The following PRKCB variants were observed in gnomAD, a reference collection of about 807,000 sequenced individuals.
The protein encoded by PRKCB is protein kinase C beta, also known as protein kinase C beta type.
Under a neutral mutation model 81.5 loss-of-function variants are expected in PRKCB, and 13 were observed. That is an observed-to-expected ratio of 0.16 (90% confidence interval 0.10 to 0.25). The LOEUF is 0.25. PRKCB is among the 10% of genes least tolerant of loss of function. The pLI is 1.00. For missense variants in PRKCB, 509 were observed against 875.7 expected (o/e 0.58, Z 5.29); for synonymous variants, 335 against 321.4 (o/e 1.04, Z -0.45).
rs559982518 is a variant in PRKCB, at chr16:24,048,068, C to T, written c.529+12521C>T. On this transcript the variant is annotated intron_variant, in intron 5 of 16. Transcript: ENST00000643927. ...GGGGCACAAAAGCCTGTGCAAGATGCAGTCGCAGCTCCTGAGCAGCCTCGC... is the reference window on the plus strand; with the variant it reads ...GGGGCACAAAAGCCTGTGCAAGATGTAGTCGCAGCTCCTGAGCAGCCTCGC... 2.2e-4 allele frequency among the ~76,000 whole-genome samples: 34 copies of T among 152,362 alleles called. No individual in the cohort carries two copies. In the South Asian group the frequency reaches 7.0e-3, roughly 32 times the overall value.
intron 2 of PRKCB, among the ~76,000 whole-genome samples, chr16:23,957,910 C>T (rs1964371541): frequency 6.6e-6 from 1 of 152,190 alleles, no homozygotes; most frequent in Non-Finnish European, 1.5e-5. Context: ...GTTTCCTCAT[C>T]TGAAAAACAG....
intron 3 of PRKCB, among the ~76,000 whole-genome samples, chr16:24,028,450 A>G (rs1007304116): frequency 2.0e-5 from 3 of 152,206 alleles, no homozygotes; most frequent in Non-Finnish European, 4.4e-5. Context: ...GACCACTCCA[A>G]TATCCAAAAC....
intron 2 of PRKCB, among the ~76,000 whole-genome samples, chr16:23,855,315 T>C (rs1043139191): frequency 1.3e-5 from 2 of 152,184 alleles, no homozygotes; most frequent in Admixed American, 6.5e-5. Context: ...CAATCACATG[T>C]GGGGTCTTAG....
intron 16 of PRKCB, among the ~76,000 whole-genome samples, chr16:24,198,511 T>C (rs1490896891): frequency 2.0e-5 from 3 of 152,124 alleles, no homozygotes; most frequent in Admixed American, 2.0e-4. Context: ...CTGCTTTTTA[T>C]TTATTTGTTT....
chr16:23,898,946 G>A (rs151335633), intron 2 of PRKCB, among the ~76,000 whole-genome samples: 1 of 152,280 alleles, frequency 6.6e-6, no homozygotes, highest in African/African-American at 2.4e-5. Flanking sequence ...ATGAAGTAAC[G>A]TCTGGGAAAT....
intron 11 of PRKCB, among the ~76,000 whole-genome samples, chr16:24,172,979 A>G (rs546385064): frequency 6.6e-6 from 1 of 152,324 alleles, no homozygotes; most frequent in East Asian, 1.9e-4. Flanking sequence ...TGCTTTACAA[A>G]CAAGGAAATG....
intron 2 of PRKCB, among the ~76,000 whole-genome samples, chr16:23,923,616 A>G (rs1365229548): frequency 6.6e-6 from 1 of 152,070 alleles, no homozygotes; most frequent in African/African-American, 2.4e-5. Flanking sequence ...TGAACCATCT[A>G]ATGCTTGAAT....
chr16:23,875,619 T>TATGTGTATATCACACAC (rs1567298542), intron 2 of PRKCB, among the ~76,000 whole-genome samples: 1 of 34,260 alleles, frequency 2.9e-5, no homozygotes, highest in Admixed American at 3.2e-4. Context: ...ATCACACACA[T>TATGTGTATATCACACAC]ATATGTATGT....
At chr16:23,924,392 C>T (rs905866642) in intron 2 of PRKCB, among the ~76,000 whole-genome samples, 2 of 152,014 alleles carry the variant, frequency 1.3e-5, no homozygotes, top group Admixed American at 6.6e-5. Flanking sequence ...CCGACTAATA[C>T]GCATGGCCAT....
intron 2 of PRKCB, among the ~76,000 whole-genome samples, chr16:23,872,201 G>C (rs1962916785): frequency 6.6e-6 from 1 of 152,214 alleles, no homozygotes; most frequent in Non-Finnish European, 1.5e-5. Context: ...AGCACTTCCA[G>C]GTGGCTGCTT....
At chr16:23,836,470 A>G in intron 1 of PRKCB, 122 bp downstream of exon 1, 3 of 1,374,180 alleles carry the variant, frequency 2.2e-6, no homozygotes, top group East Asian at 2.8e-5. Flanking sequence ...GCGTCTCCGG[A>G]CTCCCGGCTC....
Position 23,901,189 on chromosome 16 carries a change from G to A in PRKCB, c.205+63783G>A, listed in dbSNP as rs141314601. On this transcript the variant is annotated intron_variant, in intron 2 of 16. Transcript: ENST00000643927. Reference sequence around the variant, plus strand: ...ATCCTGGGGCTCTGAGCACGTGAGCGTTTGGGATATAATCTTTGCAAATTG... The same window carrying A: ...ATCCTGGGGCTCTGAGCACGTGAGCATTTGGGATATAATCTTTGCAAATTG... Among the ~76,000 whole-genome samples the A allele has an allele frequency of 2.9e-3, 447 of 152,216 alleles. 3 individuals are homozygous for A. Among genetic ancestry groups the A allele is most frequent in the African/African-American group, 0.01 (432 of 41,518 alleles).
Position 23,980,213 on chromosome 16 carries a change from G to A in PRKCB, c.206-8295G>A, listed in dbSNP as rs143198022. Among the ~76,000 whole-genome samples the A allele has an allele frequency of 1.0e-3, 156 of 152,342 alleles. 3 individuals carry two copies. In the East Asian group the frequency reaches 0.029, roughly 28 times the overall value. On this transcript the variant is annotated intron_variant, in intron 2 of 16. Coordinates refer to ENST00000643927, the MANE Select transcript of PRKCB (RefSeq NM_002738.7). Reference sequence around the variant, plus strand: ...CCTGTGAGTCACTCTTCTTAGTGCTGGTGAGACCAGCCATTGGGCAGAAAT... The same window carrying A: ...CCTGTGAGTCACTCTTCTTAGTGCTAGTGAGACCAGCCATTGGGCAGAAAT...
At chr16:23,876,978 A>G (rs559452702) in intron 2 of PRKCB, among the ~76,000 whole-genome samples, 1 of 66,980 alleles carries the variant, frequency 1.5e-5, no homozygotes, top group East Asian at 1.3e-3. Flanking sequence ...AGAATTTGTT[A>G]GAAGGATATG....
At chr16:24,085,718 T>C (rs1020260748) in intron 5 of PRKCB, among the ~76,000 whole-genome samples, 1 of 152,036 alleles carries the variant, frequency 6.6e-6, no homozygotes, top group Non-Finnish European at 1.5e-5. Context: ...ATCACCCAGT[T>C]AGTGAGAGTC....
intron 3 of PRKCB, among the ~76,000 whole-genome samples, chr16:24,028,147 G>A (rs1965505667): frequency 6.6e-6 from 1 of 152,068 alleles, no homozygotes; most frequent in Admixed American, 6.5e-5. Flanking sequence ...GGAGTGCAGT[G>A]GCATGATTTC....
intron 16 of PRKCB, among the ~76,000 whole-genome samples, chr16:24,198,809 T>C (rs980701382): frequency 6.6e-6 from 1 of 152,222 alleles, no homozygotes; most frequent in Non-Finnish European, 1.5e-5. Flanking sequence ...CAATGCTCTC[T>C]GGGCAGGGCT....
intron 15 of PRKCB, among the ~76,000 whole-genome samples, chr16:24,188,262 G>A (rs1967735274): frequency 1.3e-5 from 2 of 152,160 alleles, no homozygotes; most frequent in Non-Finnish European, 2.9e-5. Context: ...CTTCCTTCAA[G>A]GAGGGTACTC....
rs540114633 is a variant in PRKCB, at chr16:24,178,515, C to T, written c.1395-2275C>T. Among the ~76,000 whole-genome samples, 4 of 152,294 alleles carry T rather than the reference C, an allele frequency of 2.6e-5. 1 individual carries two copies. The South Asian group carries it at 6.2e-4, about 24-fold the overall frequency. ...AGCTGCCTGCTTCTGAGCATGTGGT[C>T]GAGCTGAAGGGTTGTCATTTGTCAC... On this transcript the variant is annotated intron_variant, in intron 12 of 16. Coordinates refer to ENST00000643927, the MANE Select transcript of PRKCB (RefSeq NM_002738.7).
Sources: gnomAD v4.1 joint callset for allele counts (sites outside exome capture counted in the v4.1 genomes callset) on GRCh38, gnomAD v4.1.1 for gene constraint, MANE v1.5 for transcripts, NCBI Gene and HGNC (gene_info 2026-07-23, HGNC 2026-07-21) for gene names.